The following ZSWIM5 variants were observed in gnomAD, a reference collection of about 807,000 sequenced individuals.
The protein encoded by ZSWIM5 is zinc finger SWIM-type containing 5.
In ZSWIM5, 55 loss-of-function variants were observed where a neutral mutation model predicts 119.6. The observed-to-expected ratio is 0.46, with a 90% confidence interval of 0.37 to 0.58. ZSWIM5 has a LOEUF of 0.58. Ranked by LOEUF, ZSWIM5 falls within the 20% of genes least tolerant of loss-of-function variation. ZSWIM5 has a pLI of 0.00. For missense variants in ZSWIM5, 1,193 were observed against 1,512.8 expected (o/e 0.79, Z 3.51); for synonymous variants, 537 against 606.9 (o/e 0.88, Z 1.69).
At chr1:45,096,922 T>C (rs151144486) in intron 1 of ZSWIM5, among the ~76,000 whole-genome samples, 1 of 152,328 alleles carries the variant, frequency 6.6e-6, no homozygotes, top group African/African-American at 2.4e-5. Flanking sequence ...ATCCTATAAA[T>C]GAGCCATGCT....
chr1:45,045,278 T>C (rs1256164780), intron 5 of ZSWIM5, among the ~76,000 whole-genome samples: 1 of 152,130 alleles, frequency 6.6e-6, no homozygotes, highest in Admixed American at 6.5e-5. Context: ...GCCAGATTAA[T>C]GGCAATTTAA....
chr1:45,195,764 T>C (rs939821768), intron 1 of ZSWIM5, among the ~76,000 whole-genome samples: 3 of 152,078 alleles, frequency 2.0e-5, no homozygotes, highest in African/African-American at 4.8e-5. Flanking sequence ...GAAAAGAAAG[T>C]TGACATGGTC....
intron 11 of ZSWIM5, among the ~76,000 whole-genome samples, chr1:45,031,818 C>T (rs1432458516): frequency 8.6e-6 from 1 of 116,678 alleles, no homozygotes; most frequent in Non-Finnish European, 1.7e-5. Flanking sequence ...CCAACCTGGG[C>T]AACGGAGTAA....
intron 1 of ZSWIM5, among the ~76,000 whole-genome samples, chr1:45,137,626 A>C (rs1645697587): frequency 6.6e-6 from 1 of 152,196 alleles, no homozygotes; most frequent in Admixed American, 6.6e-5. Flanking sequence ...AAACTTTACA[A>C]GCTGAGGCAA....
intron 10 of ZSWIM5, among the ~76,000 whole-genome samples, chr1:45,035,441 T>C (rs1644976911): frequency 6.6e-6 from 1 of 152,128 alleles, no homozygotes; most frequent in East Asian, 1.9e-4. Context: ...TCCTTATTTA[T>C]TAACATCTCA....
chr1:45,053,230 T>C (rs1377271019), intron 4 of ZSWIM5, among the ~76,000 whole-genome samples: 1 of 152,062 alleles, frequency 6.6e-6, no homozygotes, highest in Non-Finnish European at 1.5e-5. Context: ...GCTTTTCATC[T>C]ATAGTGTAGA....
chr1:45,051,343 G>T (rs1243809733), intron 4 of ZSWIM5, 90 bp from the exon 5 acceptor site: 1 of 1,320,968 alleles, frequency 7.6e-7, no homozygotes, highest in South Asian at 1.6e-5. Flanking sequence ...AGATGGTAGA[G>T]AAAGTTTCCA....
chr1:45,066,111 T>G (rs952607800), intron 2 of ZSWIM5, among the ~76,000 whole-genome samples: 63 of 146,904 alleles, frequency 4.3e-4, no homozygotes, highest in Non-Finnish European at 5.7e-4. Flanking sequence ...GAACATGTGG[T>G]GTTTGGTTTT....
chr1:45,116,297 A>G (rs1548051), intron 1 of ZSWIM5, among the ~76,000 whole-genome samples: 2,243 of 152,306 alleles, frequency 0.015, 51 homozygotes, highest in African/African-American at 0.052. Flanking sequence ...TTTTCTCCCT[A>G]GAGAATATAG....
intron 1 of ZSWIM5, among the ~76,000 whole-genome samples, chr1:45,115,138 G>A (rs1036394482): frequency 1.3e-5 from 2 of 151,974 alleles, no homozygotes; most frequent in Admixed American, 6.5e-5. Context: ...CATCATGGCC[G>A]GTTCCCAGTG....
chr1:45,155,043 C>T (rs1018709578), intron 1 of ZSWIM5, among the ~76,000 whole-genome samples: 1 of 152,038 alleles, frequency 6.6e-6, no homozygotes, highest in Non-Finnish European at 1.5e-5. Context: ...ATAGGTGGAA[C>T]TTAATTAAAC....
At chr1:45,040,741 C>A (rs1482871756) in intron 6 of ZSWIM5, among the ~76,000 whole-genome samples, 1 of 152,180 alleles carries the variant, frequency 6.6e-6, no homozygotes, top group Non-Finnish European at 1.5e-5. Context: ...TACCTTGCAG[C>A]CTCAGCGTGG....
At chr1:45,182,439 A>C (rs1005251626) in intron 1 of ZSWIM5, among the ~76,000 whole-genome samples, 2 of 151,490 alleles carry the variant, frequency 1.3e-5, no homozygotes, top group Non-Finnish European at 2.9e-5. Flanking sequence ...AACAAACAAA[A>C]AGACACAGAC....
rs143482019 is a variant in ZSWIM5, at chr1:45,184,512, C to T, written c.595+21244G>A. 3.6e-3 allele frequency among the ~76,000 whole-genome samples: 544 copies of T among 152,244 alleles called. 5 individuals are homozygous for T. Among genetic ancestry groups the T allele is most frequent in the East Asian group, 0.016 (81 of 5,192 alleles). Reference sequence around the variant, plus strand: ...TATCTAGGAAACCCCATTGTCTCAGCCCAAAATCTCCTTAAGCTGATAAGC... The same window carrying T: ...TATCTAGGAAACCCCATTGTCTCAGTCCAAAATCTCCTTAAGCTGATAAGC... On this transcript the variant is annotated intron_variant, in intron 1 of 13. Coordinates refer to ENST00000359600, the MANE Select transcript of ZSWIM5 (RefSeq NM_020883.2).
intron 1 of ZSWIM5, among the ~76,000 whole-genome samples, chr1:45,191,524 A>C (rs187885534): frequency 1.2e-4 from 19 of 152,302 alleles, no homozygotes; most frequent in Non-Finnish European, 1.8e-4. Flanking sequence ...GATAATTCTC[A>C]AGTGCCATCC....
Position 45,206,255 on chromosome 1 carries a change from G to A in ZSWIM5, c.96C>T (p.His32=). 2 of 1,584,900 alleles carry A rather than the reference G, an allele frequency of 1.3e-6. No individual in the cohort carries two copies. Residue 32 remains histidine (H), a synonymous_variant, in exon 1 of 14, where the codon CAC becomes CAT. Coordinates refer to ENST00000359600, the MANE Select transcript of ZSWIM5 (RefSeq NM_020883.2). ...CGGCTGCCCCAGGCGAACCGCGAGG[G>A]TGATGAGCCTGCGGGCTGGGCCACG... The part of the protein sequence containing the change: ...QCSWPSPQAH[H]PRGSPGAAGG...
Position 45,016,642 on chromosome 1 carries a change from G to A in ZSWIM5, c.*1812C>T, listed in dbSNP as rs1396339622. On this transcript the variant is annotated 3_prime_UTR_variant, in exon 14 of 14. Coordinates refer to ENST00000359600, the MANE Select transcript of ZSWIM5 (RefSeq NM_020883.2). ...GGAGTAAAAAAGGTGACAGTTTGTC[G>A]AAGAAAGAAAAAGTAAAGCAGATGG... 3 of 152,084 alleles carry A rather than the reference G, an allele frequency of 2.0e-5. No individual in the cohort carries two copies. Among genetic ancestry groups the A allele is most frequent in the Non-Finnish European group, 2.9e-5 (2 of 68,016 alleles). 9.4% of individuals were successfully genotyped at this position (152,084 alleles called of 1,614,324 possible).
chr1:45,169,737 A>T (rs1160779951), intron 1 of ZSWIM5, among the ~76,000 whole-genome samples: 1 of 152,096 alleles, frequency 6.6e-6, no homozygotes, highest in Non-Finnish European at 1.5e-5. Flanking sequence ...AATTCAACTC[A>T]TATTATTAAA....
At chr1:45,148,475 T>G (rs1645776586) in intron 1 of ZSWIM5, among the ~76,000 whole-genome samples, 1 of 151,714 alleles carries the variant, frequency 6.6e-6, no homozygotes, top group South Asian at 2.1e-4. Context: ...TGCCACACAA[T>G]TTGAAGAGAA....
Sources: gnomAD v4.1 joint callset for allele counts (sites outside exome capture counted in the v4.1 genomes callset) on GRCh38, gnomAD v4.1.1 for gene constraint, MANE v1.5 for transcripts, NCBI Gene and HGNC (gene_info 2026-07-23, HGNC 2026-07-21) for gene names.